The following ZNF544 variants were observed in gnomAD, a reference collection of about 807,000 sequenced individuals.
ZNF544 encodes zinc finger protein 544, also known as zinc finger protein AF020591.
In ZNF544, 10 loss-of-function variants were observed where a neutral mutation model predicts 13.5. That is an observed-to-expected ratio of 0.74 (90% confidence interval 0.46 to 1.25). The LOEUF is 1.25. ZNF544 is among the 50% of genes most tolerant of loss of function. ZNF544 has a pLI of 0.00. For synonymous variants in ZNF544, 323 were observed against 300.5 expected, an observed-to-expected ratio of 1.07 and a Z score of -0.77; for missense variants, 896 against 845.6, an observed-to-expected ratio of 1.06 and a Z score of -0.74.
chr19:58,255,173 C>T (rs2047010938), intron 6 of ZNF544, among the ~76,000 whole-genome samples: 1 of 149,738 alleles, frequency 6.7e-6, no homozygotes, highest in Non-Finnish European at 1.5e-5. Context: ...CAGGTGTGAG[C>T]CACAGCGCCC....
In ZNF544 at chr19:58,262,847, C is replaced by T. The variant is rs141246746; in HGVS notation, c.*93C>T. 2.7e-3 allele frequency: 4,000 copies of T among 1,508,040 alleles called. 11 individuals carry two copies. The highest frequency in any genetic ancestry group is 3.0e-3 in the Non-Finnish European group (3,407 of 1,132,630). The allele number at this position is 1,508,040 out of a possible 1,614,324, so 93.4% of individuals were successfully genotyped here. ...TCGGTGGGAAGAGCTATCAGTGTGA[C>T]GTGTATTAAGCCAGCGGTTGTGACT... On this transcript the variant is annotated 3_prime_UTR_variant, in exon 7 of 7. Transcript: ENST00000687789.
chr19:58,259,390 C>G (rs571763301), intron 6 of ZNF544: 1 of 152,194 alleles, frequency 6.6e-6, no homozygotes, highest in Admixed American at 6.5e-5. Context: ...GGACTAAGCA[C>G]CAGTTAGGAG....
At chr19:58,254,001 G>T (rs1320782659) in intron 6 of ZNF544, among the ~76,000 whole-genome samples, 1 of 152,156 alleles carries the variant, frequency 6.6e-6, no homozygotes, top group African/African-American at 2.4e-5. Flanking sequence ...CAGGCAGGCG[G>T]ATCACGAGGT....
intron 3 of ZNF544, among the ~76,000 whole-genome samples, chr19:58,242,762 A>G (rs1161785925): frequency 2.0e-5 from 3 of 152,114 alleles, no homozygotes; most frequent in Non-Finnish European, 4.4e-5. Flanking sequence ...CAGGGGTGCA[A>G]TCTCGGCTCA....
chr19:58,237,057 T>C (rs2042558756), intron 3 of ZNF544, among the ~76,000 whole-genome samples: 1 of 148,012 alleles, frequency 6.8e-6, no homozygotes, highest in African/African-American at 2.5e-5. Flanking sequence ...TATGAAACTT[T>C]TTACCTTTTT....
intron 5 of ZNF544, among the ~76,000 whole-genome samples, chr19:58,272,238 G>A (rs904062853): frequency 7.2e-5 from 11 of 151,770 alleles, no homozygotes; most frequent in African/African-American, 2.7e-4. Context: ...ATTTCAGCAG[G>A]CAGGGCAGGA....
At chr19:58,254,364 G>A (rs1269544283) in intron 6 of ZNF544, among the ~76,000 whole-genome samples, 1 of 152,210 alleles carries the variant, frequency 6.6e-6, no homozygotes, top group Non-Finnish European at 1.5e-5. Flanking sequence ...TTCCTCCTTA[G>A]ATTATCAGGG....
downstream of ZNF544, among the ~76,000 whole-genome samples, chr19:58,264,873 G>A (rs973149283): frequency 6.6e-6 from 1 of 151,812 alleles, no homozygotes; most frequent in East Asian, 1.9e-4. Context: ...GCATGGAGCT[G>A]CACACCTGTA....
In ZNF544 at chr19:58,262,385, A is replaced by G; in HGVS notation, c.1779A>G (p.Ala593=). 1 of 1,614,168 alleles carries G rather than the reference A, an allele frequency of 6.2e-7. No individual in the cohort carries two copies. The highest frequency in any genetic ancestry group is 1.7e-4 in the Middle Eastern group (1 of 6,060). The part of the protein sequence containing the change: ...KSFSQSYQLV[A]HKRTHTGEKP... ...TCAGCCAAAGCTATCAGTTAGTTGC[A>G]CATAAAAGAACTCACACTGGAGAAA... is the stretch of plus-strand genomic sequence containing the variant. The change falls in exon 7 of 7, where the codon GCA becomes GCG. Residue 593 remains alanine, a synonymous_variant. Transcript: ENST00000687789.
intron 3 of ZNF544, 105 bp from the exon 4 acceptor site, chr19:58,243,860 T>A (rs1196796726): frequency 1.1e-6 from 1 of 896,892 alleles, no homozygotes; most frequent in Non-Finnish European, 1.6e-6. Flanking sequence ...TTCCCGCACC[T>A]GGGAAGCCCT....
intron 6 of ZNF544, chr19:58,257,813 G>C (rs2047861356): frequency 6.6e-6 from 1 of 152,114 alleles, no homozygotes; most frequent in South Asian, 2.1e-4. Context: ...AGCCTTTTCC[G>C]ACTGGCTGCT....
chr19:58,258,224 GCCAC>G (rs2047984829), intron 6 of ZNF544: 1 of 152,394 alleles, frequency 6.6e-6, no homozygotes, highest in Admixed American at 6.5e-5. Context: ...ACACAACTCA[GCCAC>G]CCACTGACTT....
At chr19:58,270,255 C>T (rs2050461009) in intron 5 of ZNF544, among the ~76,000 whole-genome samples, 2 of 151,272 alleles carry the variant, frequency 1.3e-5, no homozygotes, top group South Asian at 2.1e-4. Flanking sequence ...TTGATTGACC[C>T]TTCAGGGAAT....
At chr19:58,255,189 T>G (rs2047016275) in intron 6 of ZNF544, among the ~76,000 whole-genome samples, 1 of 148,052 alleles carries the variant, frequency 6.8e-6, no homozygotes. Flanking sequence ...CGCCCAGCCT[T>G]AGACGGAGTT....
chr19:58,249,548 A>AGCCCCATTACTAATG (rs1012176527), intron 6 of ZNF544, among the ~76,000 whole-genome samples: 2 of 152,234 alleles, frequency 1.3e-5, no homozygotes, highest in African/African-American at 4.8e-5. Context: ...GGCCAGAGGA[A>AGCCCCATTACTAATG]GGAGCCATGA....
intron 5 of ZNF544, among the ~76,000 whole-genome samples, chr19:58,271,130 T>C (rs764442656): frequency 6.6e-6 from 1 of 151,494 alleles, no homozygotes; most frequent in African/African-American, 2.4e-5. Context: ...GAGAATCGTT[T>C]GAACCCAGGA....
At chr19:58,233,553 T>C (rs1352280167) in intron 3 of ZNF544, among the ~76,000 whole-genome samples, 1 of 152,194 alleles carries the variant, frequency 6.6e-6, no homozygotes, top group Non-Finnish European at 1.5e-5. Context: ...ATTTTAAGTA[T>C]GGTGTCAAGG....
In ZNF544 at chr19:58,262,502, C is replaced by T; in HGVS notation, c.1896C>T (p.Tyr632=). 2 of 1,614,194 alleles carry T rather than the reference C, an allele frequency of 1.2e-6. No homozygotes were observed. Among genetic ancestry groups the T allele is most frequent in the Middle Eastern group, 1.6e-4 (1 of 6,062 alleles). Reference sequence around the variant, plus strand: ...AAATTCACACTGGGGAGAAGCCGTACAAATGCAATCAGTGCAATAAAGCCT... The same window carrying T: ...AAATTCACACTGGGGAGAAGCCGTATAAATGCAATCAGTGCAATAAAGCCT... ...HLQIHTGEKP[Y]KCNQCNKAFA... is the part of the protein sequence containing the mutation. The change falls in exon 7 of 7, where the codon TAC becomes TAT. Residue 632 remains tyrosine (Y), a synonymous_variant. Coordinates refer to ENST00000687789, the MANE Select transcript of ZNF544 (RefSeq NM_014480.4).
intron 3 of ZNF544, among the ~76,000 whole-genome samples, chr19:58,241,249 C>T (rs936675775): frequency 2.8e-4 from 30 of 106,968 alleles, no homozygotes; most frequent in Non-Finnish European, 5.1e-4. Flanking sequence ...TGGGCTCAAA[C>T]GATGCTTCCG....
Sources: allele counts gnomAD v4.1 joint callset (sites outside exome capture counted in the v4.1 genomes callset), GRCh38; gene constraint gnomAD v4.1.1; transcripts MANE v1.5; gene names NCBI Gene and HGNC (gene_info 2026-07-23, HGNC 2026-07-21).